Variants in GCH1 observed in about 807,000 individuals in gnomAD.
GCH1 encodes the protein GTP cyclohydrolase I.
GCH1 carries 5 observed loss-of-function variants against 25.9 expected under a neutral mutation model. The ratio of observed to expected loss-of-function variants is 0.19; its 90% confidence interval spans 0.10 to 0.41. GCH1 has a LOEUF of 0.41. GCH1 is among the 10% of genes least tolerant of loss of function. The pLI is 1.00. For missense variants in GCH1, 261 were observed against 336.5 expected (o/e 0.78, Z 1.75); for synonymous variants, 159 against 129.6 (o/e 1.23, Z -1.54).
chr14:54,901,568 C>T (rs2140125890), intron 1 of GCH1, among the ~76,000 whole-genome samples: 1 of 152,268 alleles, frequency 6.6e-6, no homozygotes, highest in East Asian at 1.9e-4. Context: ...GGGGATGAGA[C>T]TGAGTCCTGG....
chr14:54,875,434 C>T (rs926864986), intron 1 of GCH1, among the ~76,000 whole-genome samples: 8 of 152,162 alleles, frequency 5.3e-5, no homozygotes, highest in Admixed American at 4.6e-4. Context: ...ATGTCTAAAA[C>T]ACCAAAAGTG....
intron 1 of GCH1, among the ~76,000 whole-genome samples, chr14:54,895,479 T>G (rs1203219146): frequency 6.6e-6 from 1 of 152,222 alleles, no homozygotes; most frequent in African/African-American, 2.4e-5. Context: ...CATTTAATCC[T>G]TGGTAGATAA....
chr14:54,850,511 T>A (rs1424197089), intron 3 of GCH1, among the ~76,000 whole-genome samples: 3 of 152,134 alleles, frequency 2.0e-5, no homozygotes. Flanking sequence ...TATTATACTT[T>A]AAGTTCTAGG....
chr14:54,865,042 CAAA>C (rs56813558), intron 2 of GCH1, among the ~76,000 whole-genome samples: 6 of 145,774 alleles, frequency 4.1e-5, no homozygotes, highest in African/African-American at 7.5e-5. Flanking sequence ...GTAGTAGCTA[CAAA>C]AAAAAAAAAA....
At chr14:54,890,806 C>CA (rs1009037906) in intron 1 of GCH1, among the ~76,000 whole-genome samples, 5 of 152,086 alleles carry the variant, frequency 3.3e-5, no homozygotes, top group East Asian at 1.9e-4. Flanking sequence ...ACAAACAACC[C>CA]AAAAAAACTC....
chr14:54,897,747 A>C (rs762959616), intron 1 of GCH1, among the ~76,000 whole-genome samples: 104 of 152,164 alleles, frequency 6.8e-4, no homozygotes, highest in Non-Finnish European at 9.8e-4. Flanking sequence ...TACTTGTGTC[A>C]ACCTCTCTGC....
At chr14:54,896,220 A>C (rs1303626789) in intron 1 of GCH1, among the ~76,000 whole-genome samples, 1 of 152,198 alleles carries the variant, frequency 6.6e-6, no homozygotes, top group Non-Finnish European at 1.5e-5. Flanking sequence ...ACCTTCAGAG[A>C]AGTATGTTCT....
intron 1 of GCH1, among the ~76,000 whole-genome samples, chr14:54,873,393 G>A (rs1594998693): frequency 1.3e-5 from 2 of 152,084 alleles, no homozygotes; most frequent in East Asian, 3.9e-4. Flanking sequence ...GAGAAAGCAG[G>A]AAAGATCTAA....
chr14:54,902,236 CG>C (rs1255918458), intron 1 of GCH1, 84 bp downstream of exon 1: 1 of 1,452,016 alleles, frequency 6.9e-7, no homozygotes, highest in Non-Finnish European at 9.4e-7. Flanking sequence ...GAGGCAACTC[CG>C]GAAACTTCCT....
At chr14:54,897,976 A>G (rs1486222350) in intron 1 of GCH1, among the ~76,000 whole-genome samples, 3 of 152,260 alleles carry the variant, frequency 2.0e-5, no homozygotes, top group African/African-American at 7.2e-5. Flanking sequence ...ATAGCCTATT[A>G]CACACCTAGG....
chr14:54,848,381 C>T (rs2039676662), intron 3 of GCH1, among the ~76,000 whole-genome samples: 1 of 152,150 alleles, frequency 6.6e-6, no homozygotes, highest in African/African-American at 2.4e-5. Flanking sequence ...GTGATCTGCC[C>T]ACCACAGTCT....
chr14:54,863,269 CA>C (rs1217355064), intron 2 of GCH1, among the ~76,000 whole-genome samples: 1 of 150,702 alleles, frequency 6.6e-6, no homozygotes, highest in African/African-American at 2.4e-5. Flanking sequence ...AATACAACAA[CA>C]AAATTAGCCA....
intron 5 of GCH1, 68 bp from the exon 6 acceptor site, chr14:54,844,211 G>A (rs887211857): frequency 3.0e-6 from 3 of 1,001,250 alleles, no homozygotes; most frequent in African/African-American, 3.2e-5. Flanking sequence ...TTAAAAGCAG[G>A]CCTAAAGATT....
intron 2 of GCH1, among the ~76,000 whole-genome samples, chr14:54,864,552 A>T (rs2039964301): frequency 6.6e-6 from 1 of 152,196 alleles, no homozygotes; most frequent in Non-Finnish European, 1.5e-5. Flanking sequence ...TTTAAACAGG[A>T]ATCCAATGGA....
chr14:54,873,376 C>T (rs1337695607), intron 1 of GCH1, among the ~76,000 whole-genome samples: 12 of 152,036 alleles, frequency 7.9e-5, no homozygotes, highest in Non-Finnish European at 1.8e-4. Flanking sequence ...GCACTAAATG[C>T]CCACAAGAGA....
chr14:54,850,695 T>C (rs13329058), intron 3 of GCH1, among the ~76,000 whole-genome samples: 5,829 of 152,186 alleles, frequency 0.038, 349 homozygotes, highest in African/African-American at 0.13. Context: ...GTTCTCATTG[T>C]TCAATTGTCA....
Position 54,880,496 on chromosome 14 carries a change from T to C in GCH1, c.344-15060A>G, listed in dbSNP as rs1487648294. Among the ~76,000 whole-genome samples the C allele has an allele frequency of 7.3e-5, 9 of 122,688 alleles. 1 individual carries two copies. The highest frequency in any genetic ancestry group is 2.4e-4 in the South Asian group (1 of 4,102). 80.5% of individuals were successfully genotyped at this position (122,688 alleles called of 152,430 possible). A position where few individuals can be genotyped will look rare whatever the true frequency, so the allele number is the denominator to read the frequency against. On this transcript the variant is annotated intron_variant, in intron 1 of 5. Coordinates refer to ENST00000491895, the MANE Select transcript of GCH1 (RefSeq NM_000161.3). Reference sequence around the variant, plus strand: ...TATATATACACTCCATATATATATATACTCCATATATATATATACTCCATA... The same window carrying C: ...TATATATACACTCCATATATATATACACTCCATATATATATATACTCCATA...
intron 1 of GCH1, among the ~76,000 whole-genome samples, chr14:54,891,102 TTTTG>T (rs10645822): frequency 6.6e-6 from 1 of 151,748 alleles, no homozygotes; most frequent in African/African-American, 2.4e-5. Flanking sequence ...CATAAGGTTT[TTTTG>T]TTTGTTTTCT....
chr14:54,887,776 G>C (rs1375493617), intron 1 of GCH1, among the ~76,000 whole-genome samples: 1 of 152,008 alleles, frequency 6.6e-6, no homozygotes, highest in East Asian at 1.9e-4. Flanking sequence ...AATAAACTAC[G>C]CCAATATGGC....
Sources: gnomAD v4.1 joint callset for allele counts (sites outside exome capture counted in the v4.1 genomes callset) on GRCh38, gnomAD v4.1.1 for gene constraint, MANE v1.5 for transcripts, NCBI Gene and HGNC (gene_info 2026-07-23, HGNC 2026-07-21) for gene names.